RGS3: variants seen among roughly 807,000 people sequenced by gnomAD.
RGS3 encodes the protein regulator of G protein signaling 3, also known as regulator of G-protein signalling 3.
In RGS3, 80 loss-of-function variants were observed where a neutral mutation model predicts 132.6. The observed-to-expected ratio is 0.60, with a 90% CI of 0.50 to 0.73. The LOEUF is 0.73. Ranked by LOEUF, RGS3 falls within the 30% of genes least tolerant of loss-of-function variation. RGS3 has a pLI of 0.00. For synonymous variants in RGS3, 598 were observed against 620.6 expected, an observed-to-expected ratio of 0.96 and a Z score of 0.54; for missense variants, 1,382 against 1,530.8, an observed-to-expected ratio of 0.90 and a Z score of 1.62.
intron 1 of RGS3, chr9:113,461,565 G>C: frequency 1.3e-6 from 1 of 799,024 alleles, no homozygotes; most frequent in East Asian, 2.5e-5. Flanking sequence ...CTCAGGATCA[G>C]GCTGGCCTTG....
chr9:113,505,811 G>A (rs1831104929), intron 11 of RGS3, among the ~76,000 whole-genome samples: 1 of 152,148 alleles, frequency 6.6e-6, no homozygotes, highest in African/African-American at 2.4e-5. Flanking sequence ...GGCTGCAAGG[G>A]AAAATGAGAG....
chr9:113,553,494 A>G (rs1206080191), intron 19 of RGS3, among the ~76,000 whole-genome samples: 1 of 128,842 alleles, frequency 7.8e-6, no homozygotes, highest in East Asian at 2.2e-4. Flanking sequence ...ATATATATGT[A>G]TATATAATAT....
intron 17 of RGS3, among the ~76,000 whole-genome samples, chr9:113,525,862 GC>G (rs1277563190): frequency 6.6e-6 from 1 of 152,212 alleles, no homozygotes; most frequent in Non-Finnish European, 1.5e-5. Context: ...TAAAAGGAGA[GC>G]AGAAGTGTTG....
rs577462533 is a variant in RGS3 at position 113,542,520 on chromosome 9, T to G, written c.2037+5602T>G. Among the ~76,000 whole-genome samples the G allele has an allele frequency of 5.9e-5, 9 of 152,268 alleles. No homozygotes were observed. The South Asian group carries it at 1.9e-3, about 32-fold the overall frequency. On this transcript the variant is annotated intron_variant, in intron 19 of 24. Coordinates refer to ENST00000350696, the Ensembl canonical transcript of RGS3. Reference sequence around the variant, plus strand: ...CTGGTGGCTTGTCCTGGATGGTGGCTGGGGAAGTGGATGCCTGAATGCCAG... The same window carrying G: ...CTGGTGGCTTGTCCTGGATGGTGGCGGGGGAAGTGGATGCCTGAATGCCAG...
intron 3 of RGS3, among the ~76,000 whole-genome samples, chr9:113,465,476 T>TGTGTGTGTGTGC (rs796647799): frequency 1.1e-3 from 160 of 151,536 alleles, no homozygotes; most frequent in Non-Finnish European, 1.9e-3. Flanking sequence ...TGTGTGTGTG[T>TGTGTGTGTGTGC]GTGTGCCTGT....
Position 113,565,427 on chromosome 9 carries a change from A to T in RGS3, c.2038-18023A>T. On this transcript the variant is annotated intron_variant, in intron 19 of 24. Transcript: ENST00000350696. This position sits in a 1 kb window ranked among gnomAD's most constrained non-coding sequence, Gnocchi z 5.7. Reference sequence around the variant, plus strand: ...GAGGACAAGTAGGAGGAGGAGGAAGAGGAGGAGGGACGGGTGATGCAAGGG... The same window carrying T: ...GAGGACAAGTAGGAGGAGGAGGAAGTGGAGGAGGGACGGGTGATGCAAGGG... The T allele has an allele frequency of 7.9e-7, 1 of 1,265,256 alleles. No individual in the cohort carries two copies. Among genetic ancestry groups the T allele is most frequent in the Non-Finnish European group, 1.0e-6 (1 of 966,600 alleles). 78.4% of individuals were successfully genotyped at this position (1,265,256 alleles called of 1,614,324 possible).
chr9:113,544,504 A>G (rs1833029644), intron 19 of RGS3, among the ~76,000 whole-genome samples: 2 of 152,274 alleles, frequency 1.3e-5, no homozygotes, highest in East Asian at 3.9e-4. Context: ...CATAAATTCT[A>G]TTACCAAAGT....
intron 19 of RGS3, among the ~76,000 whole-genome samples, chr9:113,566,484 C>T (rs1834017482): frequency 6.6e-6 from 1 of 152,156 alleles, no homozygotes; most frequent in Non-Finnish European, 1.5e-5. Flanking sequence ...CCCTAGGACT[C>T]AGGGCAGGAG....
intron 19 of RGS3, among the ~76,000 whole-genome samples, chr9:113,574,785 C>T (rs957857953): frequency 2.0e-5 from 3 of 152,148 alleles, no homozygotes; most frequent in Non-Finnish European, 4.4e-5. Context: ...AGCAGGGTGC[C>T]GGGTGGGAAG....
At position 113,565,054 on chromosome 9, in the gene RGS3, C is replaced by T. The variant is rs1401616421; in HGVS notation, c.2038-18396C>T. 4.4e-6 allele frequency: 5 copies of T among 1,131,528 alleles called. No homozygotes were observed. The highest frequency in any genetic ancestry group is 1.1e-6 in the Non-Finnish European group (1 of 911,558). The allele number at this position is 1,131,528 out of a possible 1,614,324, so 70.1% of individuals were successfully genotyped here. A position where few individuals can be genotyped will look rare whatever the true frequency, so the allele number is the denominator to read the frequency against. ...GTGTGGGGTGGAGCCTGCTAGGGAT[C>T]CCAGTGCCAGGGGGTGCCGTTGTGA... On this transcript the variant is annotated intron_variant, in intron 19 of 24. Transcript: ENST00000350696. This position sits in a 1 kb window ranked among gnomAD's most constrained non-coding sequence, Gnocchi z 5.7.
In RGS3 at chr9:113,591,709, C is replaced by T. The variant is rs1835438459; in HGVS notation, c.3080+312C>T. ...TCTGAGCCAAGCAGGGACCAAGTGA[C>T]TTCAACAACTCCTTTGCTCCCTCTG... On this transcript the variant is annotated intron_variant, in intron 21 of 24. Coordinates refer to ENST00000350696, the Ensembl canonical transcript of RGS3. The surrounding 1 kb of genome is among the most constrained non-coding windows in gnomAD (Gnocchi z 4.4). The T allele has an allele frequency of 1.7e-5, 6 of 346,568 alleles. No homozygotes were observed. In the South Asian group the frequency reaches 2.0e-4, roughly 12 times the overall value. 21.5% of individuals were successfully genotyped at this position (346,568 alleles called of 1,614,324 possible).
intron 21 of RGS3, chr9:113,592,795 G>A (rs1835508143): frequency 6.6e-6 from 1 of 152,120 alleles, no homozygotes; most frequent in Non-Finnish European, 1.5e-5. Context: ...GCCTCTGAAG[G>A]TCATACTCTT....
chr9:113,595,326 CG>C (rs1835709417), intron 23 of RGS3: 1 of 550,784 alleles, frequency 1.8e-6, no homozygotes, highest in South Asian at 2.5e-5. Context: ...AGGGTCCCAT[CG>C]GCTCCTCCCA....
exon 10 of RGS3, chr9:113,498,039 A>G (rs1368400211): frequency 5.0e-6 from 8 of 1,613,938 alleles, no homozygotes; most frequent in Admixed American, 1.7e-5. Flanking sequence ...GCTGCTGAGA[A>G]TGCCAGGAGG....
upstream of RGS3, among the ~76,000 whole-genome samples, chr9:113,458,854 T>G (rs1829412629): frequency 6.6e-6 from 1 of 152,132 alleles, no homozygotes; most frequent in Admixed American, 6.6e-5. Context: ...CGGGTTCAAG[T>G]GATTCTCATG....
intron 19 of RGS3, among the ~76,000 whole-genome samples, chr9:113,569,637 C>CCTTCCTTA (rs1564584352): frequency 4.1e-4 from 62 of 149,956 alleles, no homozygotes; most frequent in African/African-American, 1.4e-3. Context: ...TTCCTTCCTT[C>CCTTCCTTA]CTTCCCTCCT....
At position 113,463,614 on chromosome 9, in the gene RGS3, G is replaced by A. The variant is rs1231381568; in HGVS notation, c.415+1413G>A. On this transcript the variant is annotated intron_variant, in intron 3 of 24. Coordinates refer to ENST00000350696, the Ensembl canonical transcript of RGS3. This position sits in a 1 kb window ranked among gnomAD's most constrained non-coding sequence, Gnocchi z 4.6. ...CCCCACCCCGGCCCAGCTCTGCTCC[G>A]GCAGGTGGAACTCTCCCCATTCAAA... is the stretch of plus-strand genomic sequence containing the variant. 4.9e-6 allele frequency: 4 copies of A among 815,094 alleles called. No individual in the cohort carries two copies. Among genetic ancestry groups the A allele is most frequent in the African/African-American group, 3.8e-5 (2 of 52,082 alleles). 50.5% of individuals were successfully genotyped at this position (815,094 alleles called of 1,614,324 possible).
At chr9:113,580,866 G>A in intron 19 of RGS3, 1 of 985,734 alleles carries the variant, frequency 1.0e-6, no homozygotes, top group Non-Finnish European at 1.2e-6. Context: ...ACTGGGACAG[G>A]CCTGGGCCCC....
At chr9:113,526,900 G>A (rs1159411070) in intron 17 of RGS3, among the ~76,000 whole-genome samples, 1 of 152,214 alleles carries the variant, frequency 6.6e-6, no homozygotes, top group Non-Finnish European at 1.5e-5. Flanking sequence ...CAGTTCTAAT[G>A]TTCTAGAAGG....
Sources: gnomAD v4.1 joint callset for allele counts (sites outside exome capture counted in the v4.1 genomes callset) on GRCh38, gnomAD v4.1.1 for gene constraint, Gnocchi (gnomAD v3.1) non-coding constraint, MANE v1.5 for transcripts, NCBI Gene and HGNC (gene_info 2026-07-23, HGNC 2026-07-21) for gene names.